The following KCNT2 variants were observed in gnomAD, a reference collection of about 807,000 sequenced individuals.
KCNT2 encodes the protein potassium channel subfamily T member 2.
KCNT2 carries 67 observed loss-of-function variants against 153.8 expected under a neutral mutation model. The observed-to-expected ratio is 0.44, with a 90% CI of 0.36 to 0.53. The LOEUF (loss-of-function observed/expected upper bound fraction) is 0.53, where lower values mean the gene tolerates loss of function less well. KCNT2 is among the 20% of genes least tolerant of loss of function. The probability of loss-of-function intolerance (pLI) is 0.00; values close to 1 mark genes in which losing one functional copy is unlikely to be tolerated. For missense variants in KCNT2, 975 were observed against 1,354.8 expected (o/e 0.72, Z 4.40); for synonymous variants, 500 against 458.8 (o/e 1.09, Z -1.15).
At chr1:196,591,266 G>A (rs1663328255) in intron 1 of KCNT2, among the ~76,000 whole-genome samples, 1 of 151,988 alleles carries the variant, frequency 6.6e-6, no homozygotes, top group Admixed American at 6.6e-5. Context: ...AGACATTCGA[G>A]CTCCCCTCTT....
At position 196,282,277 on chromosome 1, in the gene KCNT2, C is replaced by T; in HGVS notation, c.2777G>A (p.Cys926Tyr). ...TTCTAGAGATTATTAACTTACAGAA[C>T]AAAGAAACCCAGATCCTGGTGTAGT... is the stretch of plus-strand genomic sequence containing the variant. ...LDTTPGSGFLCSMKITADDLW... is the reference protein window; with the variant it reads ...LDTTPGSGFLYSMKITADDLW... Residue 926 changes from cysteine (C) to tyrosine (Y), a missense_variant, in exon 24 of 28, where the codon TGT (cysteine) becomes TAT (tyrosine). Transcript: ENST00000294725. The T allele has an allele frequency of 6.4e-7, 1 of 1,566,466 alleles. No homozygotes were observed. The highest frequency in any genetic ancestry group is 8.8e-7 in the Non-Finnish European group (1 of 1,138,312).
chr1:196,536,893 C>T (rs999077118), intron 1 of KCNT2, among the ~76,000 whole-genome samples: 4 of 152,168 alleles, frequency 2.6e-5, no homozygotes, highest in Non-Finnish European at 5.9e-5. Context: ...CCCATCCTGC[C>T]ACACTCTCAT....
chr1:196,454,887 CCCAGG>C (rs1676522147), intron 8 of KCNT2, among the ~76,000 whole-genome samples: 1 of 151,924 alleles, frequency 6.6e-6, no homozygotes. Flanking sequence ...TGTTGACCAG[CCCAGG>C]CTCACTACTA....
intron 1 of KCNT2, among the ~76,000 whole-genome samples, chr1:196,551,857 T>A (rs1206378219): frequency 2.0e-5 from 3 of 151,630 alleles, no homozygotes; most frequent in Non-Finnish European, 4.4e-5. Context: ...TCCCCTTTTA[T>A]AATGAAAAGA....
rs142259731 is a variant in KCNT2, at chr1:196,267,231, G to A, written c.2911-8737C>T. 2.4e-3 allele frequency among the ~76,000 whole-genome samples: 372 copies of A among 152,242 alleles called. 8 individuals carry two copies. The highest frequency in any genetic ancestry group is 0.022 in the Admixed American group (332 of 15,274). On this transcript the variant is annotated intron_variant, in intron 25 of 27. Transcript: ENST00000294725. ...TTCCTTTGACACACTCATTCAGGAT[G>A]AATAAACATTCAAAAAGGAGCTCAC...
At chr1:196,448,604 A>C (rs1260812433) in intron 8 of KCNT2, among the ~76,000 whole-genome samples, 1 of 151,536 alleles carries the variant, frequency 6.6e-6, no homozygotes, top group Non-Finnish European at 1.5e-5. Flanking sequence ...CTGTTGACTT[A>C]TAGTTTTTTC....
chr1:196,346,994 A>G (rs986952004), intron 14 of KCNT2, among the ~76,000 whole-genome samples: 1 of 152,162 alleles, frequency 6.6e-6, no homozygotes, highest in Non-Finnish European at 1.5e-5. Flanking sequence ...CATTTCACAG[A>G]TAAAGAAACT....
chr1:196,406,929 G>C (rs1329595147), intron 12 of KCNT2, among the ~76,000 whole-genome samples: 1 of 151,390 alleles, frequency 6.6e-6, no homozygotes, highest in Non-Finnish European at 1.5e-5. Flanking sequence ...TTTTGGGACT[G>C]AGCAGCAAGT....
chr1:196,549,474 G>A (rs1657602958), intron 1 of KCNT2, among the ~76,000 whole-genome samples: 1 of 151,868 alleles, frequency 6.6e-6, no homozygotes, highest in Non-Finnish European at 1.5e-5. Flanking sequence ...GACACTCATA[G>A]TTTCACAAAC....
At chr1:196,388,898 T>A (rs1670235442) in intron 13 of KCNT2, among the ~76,000 whole-genome samples, 1 of 151,726 alleles carries the variant, frequency 6.6e-6, no homozygotes, top group South Asian at 2.1e-4. Flanking sequence ...ATTGCACAGG[T>A]TAGGACCTTC....
At chr1:196,309,924 T>C (rs1662001653) in intron 21 of KCNT2, among the ~76,000 whole-genome samples, 1 of 151,904 alleles carries the variant, frequency 6.6e-6, no homozygotes. Context: ...CTACAATTAC[T>C]TCGTGTTCTG....
At chr1:196,565,246 T>C (rs1659962044) in intron 1 of KCNT2, among the ~76,000 whole-genome samples, 1 of 151,510 alleles carries the variant, frequency 6.6e-6, no homozygotes, top group Admixed American at 6.6e-5. Flanking sequence ...CAATGAGATA[T>C]CACCTCATGC....
At position 196,602,637 on chromosome 1, in the gene KCNT2, A is replaced by C. The variant is rs1444994336; in HGVS notation, c.95+5578T>G. ...CAATTTTATTTATAAGAATTGGTTA[A>C]AAGAAAAGAACCTTGTGTGTTTTAT... On this transcript the variant is annotated intron_variant, in intron 1 of 27. Transcript: ENST00000294725. Among the ~76,000 whole-genome samples, 4 of 152,166 alleles carry C rather than the reference A, an allele frequency of 2.6e-5. No individual in the cohort carries two copies. The East Asian group carries it at 7.7e-4, about 29-fold the overall frequency.
At chr1:196,398,274 C>G (rs951830345) in intron 13 of KCNT2, among the ~76,000 whole-genome samples, 11 of 151,428 alleles carry the variant, frequency 7.3e-5, no homozygotes, top group African/African-American at 2.7e-4. Flanking sequence ...CTATATTATG[C>G]ATAAATCTAC....
intron 8 of KCNT2, among the ~76,000 whole-genome samples, chr1:196,434,945 G>A (rs951466203): frequency 6.6e-6 from 1 of 151,156 alleles, no homozygotes; most frequent in South Asian, 2.1e-4. Flanking sequence ...CATAATAGTA[G>A]GGCCATCTTA....
intron 12 of KCNT2, among the ~76,000 whole-genome samples, chr1:196,412,632 G>A (rs886400828): frequency 4.0e-5 from 6 of 151,334 alleles, no homozygotes; most frequent in African/African-American, 1.5e-4. Context: ...ACAGTTAGCA[G>A]CCCCCTACCC....
chr1:196,549,376 G>A (rs1021936880), intron 1 of KCNT2, among the ~76,000 whole-genome samples: 1 of 151,870 alleles, frequency 6.6e-6, no homozygotes, highest in African/African-American at 2.4e-5. Flanking sequence ...ACACTAGAGA[G>A]TGAGAAGAAG....
intron 19 of KCNT2, among the ~76,000 whole-genome samples, chr1:196,324,464 C>G (rs528707733): frequency 6.6e-6 from 1 of 152,100 alleles, no homozygotes; most frequent in South Asian, 2.1e-4. Context: ...GTTGTAGCCA[C>G]CTCACACAGC....
chr1:196,317,767 C>T lies in KCNT2; in HGVS notation c.2348+1717G>A, dbSNP rs1462991639. 2.6e-5 allele frequency among the ~76,000 whole-genome samples: 4 copies of T among 151,610 alleles called. No individual in the cohort carries two copies. The Admixed American group carries it at 2.6e-4, about 10-fold the overall frequency. ...GACCAAAACTTCACTTTGAGAGTAC[C>T]TGTGCTAAATAGCTGTTACCTATAC... On this transcript the variant is annotated intron_variant, in intron 20 of 27. Coordinates refer to ENST00000294725, the MANE Select transcript of KCNT2 (RefSeq NM_198503.5).
Sources: gnomAD v4.1 joint callset for allele counts (sites outside exome capture counted in the v4.1 genomes callset) on GRCh38, gnomAD v4.1.1 for gene constraint, MANE v1.5 for transcripts, NCBI Gene and HGNC (gene_info 2026-07-23, HGNC 2026-07-21) for gene names.